Variants in KIF26B observed in about 807,000 individuals in gnomAD.
KIF26B encodes kinesin family member 26B.
Under a neutral mutation model 151.2 loss-of-function variants are expected in KIF26B, and 63 were observed. The ratio of observed to expected loss-of-function variants is 0.42; its 90% CI spans 0.34 to 0.51. The LOEUF is 0.51. Among genes scored for constraint, KIF26B ranks in the 20% least tolerant of loss-of-function variants. The probability of loss-of-function intolerance (pLI) is 0.07; values close to 1 mark genes in which losing one functional copy is unlikely to be tolerated. For missense variants in KIF26B, 2,813 were observed against 2,913.6 expected (o/e 0.97, Z 0.79); for synonymous variants, 1,357 against 1,262.1 (o/e 1.08, Z -1.59).
intron 2 of KIF26B, among the ~76,000 whole-genome samples, chr1:245,182,218 C>T (rs1311113729): frequency 4.6e-5 from 7 of 152,196 alleles, no homozygotes; most frequent in Non-Finnish European, 1.0e-4. Flanking sequence ...GGCCCATTAT[C>T]AGTCAGTCTT....
intron 10 of KIF26B, among the ~76,000 whole-genome samples, chr1:245,662,570 C>T (rs201559712): frequency 9.7e-6 from 1 of 102,900 alleles, no homozygotes; most frequent in Non-Finnish European, 2.0e-5. Context: ...ATACACACAC[C>T]CTATATATAT....
chr1:245,467,580 T>C (rs2103061679), intron 4 of KIF26B, among the ~76,000 whole-genome samples: 1 of 152,334 alleles, frequency 6.6e-6, no homozygotes, highest in South Asian at 2.1e-4. Flanking sequence ...ACCAGTCTGA[T>C]ATTTTAATTA....
chr1:245,661,371 G>T (rs1572184586), intron 10 of KIF26B, among the ~76,000 whole-genome samples: 1 of 151,926 alleles, frequency 6.6e-6, no homozygotes, highest in Non-Finnish European at 1.5e-5. Context: ...TTCCTTTTGA[G>T]CCTTTTAAGC....
At chr1:245,543,070 C>T (rs1339070) in intron 5 of KIF26B, among the ~76,000 whole-genome samples, 146,626 of 152,264 alleles carry the variant, frequency 0.96, 70,887 homozygotes, top group East Asian at 1. Context: ...TCCTCCTGCA[C>T]CTACAGTACT....
intron 5 of KIF26B, among the ~76,000 whole-genome samples, chr1:245,557,498 G>A (rs981270671): frequency 6.6e-6 from 1 of 152,178 alleles, no homozygotes; most frequent in Non-Finnish European, 1.5e-5. Context: ...TCCTCAGAGG[G>A]TAATTGTGAG....
chr1:245,336,264 T>C (rs1672231670), intron 2 of KIF26B, among the ~76,000 whole-genome samples: 3 of 152,222 alleles, frequency 2.0e-5, no homozygotes. Context: ...AGAAGCACCA[T>C]CCACTGTTCT....
chr1:245,552,153 G>A (rs1661900965), intron 5 of KIF26B, among the ~76,000 whole-genome samples: 1 of 151,236 alleles, frequency 6.6e-6, no homozygotes, highest in African/African-American at 2.4e-5. Flanking sequence ...GTGTGTGTGT[G>A]TGTGTGTGTG....
At chr1:245,176,706 A>G (rs73125052) in intron 2 of KIF26B, among the ~76,000 whole-genome samples, 14,322 of 152,192 alleles carry the variant, frequency 0.094, 870 homozygotes, top group African/African-American at 0.17. Flanking sequence ...CTTCATCTGT[A>G]GTGGAAGGAA....
chr1:245,180,826 A>G (rs1281777604), intron 2 of KIF26B, among the ~76,000 whole-genome samples: 1 of 152,114 alleles, frequency 6.6e-6, no homozygotes, highest in Non-Finnish European at 1.5e-5. Context: ...TCACTGCTGC[A>G]GGATTCTTTT....
chr1:245,227,546 T>C lies in KIF26B; in HGVS notation c.465+70863T>C, dbSNP rs1404169031. ...CGGGCAGAGATACTACCCTCTGAGC[T>C]TGCTCCCTGCTTTGCTCTGGAGTGT... is the stretch of plus-strand genomic sequence containing the variant. On this transcript the variant is annotated intron_variant, in intron 2 of 14. Coordinates refer to ENST00000407071, the MANE Select transcript of KIF26B (RefSeq NM_018012.4). This position sits in a 1 kb window ranked among gnomAD's most constrained non-coding sequence, Gnocchi z 4.1. Among the ~76,000 whole-genome samples, 1 of 152,174 alleles carries C rather than the reference T, an allele frequency of 6.6e-6. No individual in the cohort carries two copies. The highest frequency in any genetic ancestry group is 1.5e-5 in the Non-Finnish European group (1 of 68,028).
intron 4 of KIF26B, among the ~76,000 whole-genome samples, chr1:245,511,972 G>A (rs935294816): frequency 2.0e-5 from 3 of 151,026 alleles, no homozygotes; most frequent in Admixed American, 6.7e-5. Context: ...TTAATTTTGT[G>A]TAGGAAGAGT....
intron 4 of KIF26B, among the ~76,000 whole-genome samples, chr1:245,470,197 AG>A (rs999544368): frequency 6.6e-6 from 1 of 152,048 alleles, no homozygotes; most frequent in African/African-American, 2.4e-5. Flanking sequence ...TTCTAAGGGC[AG>A]GGGGAGTTCC....
At chr1:245,621,182 C>T (rs987660385) in intron 9 of KIF26B, among the ~76,000 whole-genome samples, 9 of 152,162 alleles carry the variant, frequency 5.9e-5, no homozygotes, top group Non-Finnish European at 1.0e-4. Context: ...TTCCAACGGG[C>T]AGCAAAGTTT....
intron 4 of KIF26B, among the ~76,000 whole-genome samples, chr1:245,526,141 T>C (rs771942869): frequency 2.0e-5 from 3 of 152,210 alleles, no homozygotes; most frequent in Non-Finnish European, 4.4e-5. Context: ...TCTTCTCTAT[T>C]AAAAACAAAA....
chr1:245,349,069 G>C (rs909501389), intron 2 of KIF26B, among the ~76,000 whole-genome samples: 4 of 152,194 alleles, frequency 2.6e-5, no homozygotes, highest in African/African-American at 9.7e-5. Context: ...CTTCAGAAGA[G>C]ACCTCCGTGA....
At chr1:245,209,522 A>G (rs569127953) in intron 2 of KIF26B, among the ~76,000 whole-genome samples, 1 of 152,314 alleles carries the variant, frequency 6.6e-6, no homozygotes, top group African/African-American at 2.4e-5. Flanking sequence ...ACAAAAACAT[A>G]AAGGGAGCTC....
rs764338927 is a variant in KIF26B, at chr1:245,698,152, T to C, written c.5871T>C (p.Ser1957=). 1.7e-5 allele frequency: 27 copies of C among 1,613,924 alleles called. No homozygotes were observed. In the South Asian group the frequency reaches 3.0e-4, roughly 18 times the overall value. ...TCCCAGCACTATCCCTGGACACCTCTTCCCCTGTGAGAAAACCCCCCAACA... is the reference window on the plus strand; with the variant it reads ...TCCCAGCACTATCCCTGGACACCTCCTCCCCTGTGAGAAAACCCCCCAACA... ...RLIPALSLDT[S]SPVRKPPNST... Residue 1957 remains serine, a synonymous_variant, in exon 13 of 15, where the codon TCT becomes TCC. Coordinates refer to ENST00000407071, the MANE Select transcript of KIF26B (RefSeq NM_018012.4). This position sits in a 1 kb window ranked among gnomAD's most constrained non-coding sequence, Gnocchi z 4.0.
chr1:245,163,802 ATAAT>A (rs766922841), intron 2 of KIF26B, among the ~76,000 whole-genome samples: 8 of 152,058 alleles, frequency 5.3e-5, no homozygotes, highest in Non-Finnish European at 1.2e-4. Context: ...CTTTTAATTG[ATAAT>A]TATTTATGTG....
chr1:245,649,975 A>G (rs1252316944), intron 10 of KIF26B, among the ~76,000 whole-genome samples: 2 of 152,226 alleles, frequency 1.3e-5, no homozygotes, highest in East Asian at 1.9e-4. Context: ...AAGATGCAGG[A>G]GGCGTGGAGC....
Sources: gnomAD v4.1 joint callset for allele counts (sites outside exome capture counted in the v4.1 genomes callset) on GRCh38, gnomAD v4.1.1 for gene constraint, Gnocchi (gnomAD v3.1) non-coding constraint, MANE v1.5 for transcripts, NCBI Gene and HGNC (gene_info 2026-07-23, HGNC 2026-07-21) for gene names.